OSBPL1A: variants seen among roughly 807,000 people sequenced by gnomAD.
OSBPL1A encodes oxysterol binding protein like 1A.
OSBPL1A carries 80 observed loss-of-function variants against 137.1 expected under a neutral mutation model. The observed-to-expected ratio is 0.58, with a 90% CI of 0.49 to 0.70. The LOEUF (loss-of-function observed/expected upper bound fraction) is 0.70. OSBPL1A is among the 30% of genes least tolerant of loss of function. The probability of loss-of-function intolerance (pLI) is 0.00; values close to 1 mark genes in which losing one functional copy is unlikely to be tolerated. For synonymous variants in OSBPL1A, 365 were observed against 389.7 expected, an observed-to-expected ratio of 0.94 and a Z score of 0.75; for missense variants, 970 against 1,129.4, an observed-to-expected ratio of 0.86 and a Z score of 2.02.
At chr18:24,360,049 C>T (rs1468078184) in intron 4 of OSBPL1A, among the ~76,000 whole-genome samples, 3 of 152,166 alleles carry the variant, frequency 2.0e-5, no homozygotes, top group Non-Finnish European at 4.4e-5. Context: ...CTCACTGCAA[C>T]CTCCGCCTCC....
At chr18:24,395,615 ATTTT>A (rs75531106) in intron 1 of OSBPL1A, among the ~76,000 whole-genome samples, 1 of 150,388 alleles carries the variant, frequency 6.6e-6, no homozygotes, top group Non-Finnish European at 1.5e-5. Flanking sequence ...GATGGGGAGA[ATTTT>A]TTTTTTTCTT....
chr18:24,358,669 C>A (rs1051201333), intron 4 of OSBPL1A, among the ~76,000 whole-genome samples: 1 of 152,194 alleles, frequency 6.6e-6, no homozygotes, highest in Non-Finnish European at 1.5e-5. Flanking sequence ...CAGGATTATA[C>A]ATATATTCTG....
rs573502758 is a variant in OSBPL1A at position 24,256,261 on chromosome 18, T to C, written c.1282-16879A>G. On this transcript the variant is annotated intron_variant, in intron 15 of 27. Transcript: ENST00000319481. The stretch of plus-strand genomic sequence containing the variant: ...TACTAGCAAACTGAATTCAACAATA[T>C]GTTAAAAAGATCATTCATCATAAAC... 2.2e-4 allele frequency among the ~76,000 whole-genome samples: 33 copies of C among 152,258 alleles called. No individual in the cohort carries two copies. In the South Asian group the frequency reaches 5.8e-3, roughly 27 times the overall value.
At chr18:24,221,059 G>T (rs909155233) in intron 17 of OSBPL1A, among the ~76,000 whole-genome samples, 2 of 152,152 alleles carry the variant, frequency 1.3e-5, no homozygotes, top group Non-Finnish European at 2.9e-5. Context: ...AGTATTACAA[G>T]CATGAGCCAC....
chr18:24,258,802 A>G (rs112889819), intron 15 of OSBPL1A, among the ~76,000 whole-genome samples: 3,145 of 152,060 alleles, frequency 0.021, 108 homozygotes, highest in African/African-American at 0.073. Flanking sequence ...TATTAAATAT[A>G]TTGCCAATAT....
intron 27 of OSBPL1A, among the ~76,000 whole-genome samples, chr18:24,164,806 G>A (rs990508968): frequency 6.6e-6 from 1 of 152,222 alleles, no homozygotes; most frequent in African/African-American, 2.4e-5. Flanking sequence ...GGAAGTCAAT[G>A]TATCAAAGGG....
chr18:24,396,901 C>G (rs1457034144), intron 1 of OSBPL1A, among the ~76,000 whole-genome samples: 1 of 152,094 alleles, frequency 6.6e-6, no homozygotes, highest in Non-Finnish European at 1.5e-5. Context: ...AACACATCAC[C>G]GATTTTAAAG....
At chr18:24,382,510 G>A (rs1599737091) in intron 1 of OSBPL1A, among the ~76,000 whole-genome samples, 1 of 151,850 alleles carries the variant, frequency 6.6e-6, no homozygotes, top group Admixed American at 6.6e-5. Context: ...CCAGGAGGTC[G>A]AGGCTGCAGT....
At chr18:24,315,702 T>C (rs974063988) in intron 11 of OSBPL1A, among the ~76,000 whole-genome samples, 80 of 120,704 alleles carry the variant, frequency 6.6e-4, no homozygotes, top group Non-Finnish European at 1.1e-3. Context: ...ATATACTATA[T>C]AATAAAATAT....
chr18:24,360,174 T>C (rs566176289), intron 4 of OSBPL1A, among the ~76,000 whole-genome samples: 2 of 152,332 alleles, frequency 1.3e-5, no homozygotes, highest in East Asian at 3.9e-4. Flanking sequence ...TTTCACCATG[T>C]TGGCCAGGCT....
intron 9 of OSBPL1A, among the ~76,000 whole-genome samples, chr18:24,317,767 A>G (rs1405681407): frequency 6.6e-6 from 1 of 152,224 alleles, no homozygotes; most frequent in African/African-American, 2.4e-5. Context: ...TATCTTATAC[A>G]ATATAAGCAT....
intron 12 of OSBPL1A, among the ~76,000 whole-genome samples, chr18:24,313,851 C>T (rs566370414): frequency 1.3e-5 from 2 of 152,334 alleles, no homozygotes; most frequent in South Asian, 4.1e-4. Flanking sequence ...CCTGTAATCC[C>T]AGCACTTTGG....
At chr18:24,340,737 C>T (rs895021982) in intron 5 of OSBPL1A, among the ~76,000 whole-genome samples, 3 of 152,094 alleles carry the variant, frequency 2.0e-5, no homozygotes, top group Non-Finnish European at 2.9e-5. Context: ...ACCCAAGAGG[C>T]GGAGGTTGTA....
intron 2 of OSBPL1A, among the ~76,000 whole-genome samples, chr18:24,376,379 A>G (rs564109515): frequency 1.3e-5 from 2 of 152,332 alleles, no homozygotes; most frequent in South Asian, 2.1e-4. Context: ...CAAACCCTGA[A>G]CTAGACGCAG....
At chr18:24,323,162 A>G (rs1403428324) in intron 7 of OSBPL1A, among the ~76,000 whole-genome samples, 1 of 152,170 alleles carries the variant, frequency 6.6e-6, no homozygotes, top group African/African-American at 2.4e-5. Context: ...ATATTAAAAC[A>G]TTATAACCAT....
intron 15 of OSBPL1A, among the ~76,000 whole-genome samples, chr18:24,275,818 C>G (rs2089833594): frequency 6.6e-6 from 1 of 151,848 alleles, no homozygotes; most frequent in Non-Finnish European, 1.5e-5. Context: ...ATCTCTGCCT[C>G]CTGGGTTCAA....
At chr18:24,233,191 T>C (rs146287770) in intron 16 of OSBPL1A, among the ~76,000 whole-genome samples, 41 of 152,330 alleles carry the variant, frequency 2.7e-4, no homozygotes, top group African/African-American at 9.9e-4. Flanking sequence ...TAACCAGTAA[T>C]AAGTGTTTCA....
At chr18:24,200,446 C>T (rs2087184839) in intron 17 of OSBPL1A, among the ~76,000 whole-genome samples, 3 of 151,212 alleles carry the variant, frequency 2.0e-5, no homozygotes, top group Admixed American at 1.3e-4. Flanking sequence ...CCTGTAATCC[C>T]AACTACTTGG....
intron 4 of OSBPL1A, among the ~76,000 whole-genome samples, chr18:24,363,017 G>A (rs494057): frequency 0.071 from 10,870 of 152,264 alleles, 1,194 homozygotes; most frequent in African/African-American, 0.24. Flanking sequence ...TGCTGCCAGA[G>A]GGAAATGACT....
Sources: gnomAD v4.1 joint callset for allele counts (sites outside exome capture counted in the v4.1 genomes callset) on GRCh38, gnomAD v4.1.1 for gene constraint, MANE v1.5 for transcripts, NCBI Gene and HGNC (gene_info 2026-07-23, HGNC 2026-07-21) for gene names.